PPP1R2: variants seen among roughly 807,000 people sequenced by gnomAD.
The protein encoded by PPP1R2 is protein phosphatase 1 regulatory inhibitor subunit 2.
A neutral mutation model predicts 29.9 loss-of-function variants in PPP1R2; 16 were observed. That is an observed-to-expected ratio of 0.53 (90% CI 0.36 to 0.81). The LOEUF is 0.81. Among genes scored for constraint, PPP1R2 ranks in the 30% least tolerant of loss-of-function variants. The probability of loss-of-function intolerance (pLI) is 0.00; values close to 1 mark genes in which losing one functional copy is unlikely to be tolerated. For missense variants in PPP1R2, 197 were observed against 252.7 expected (o/e 0.78, Z 1.49); for synonymous variants, 76 against 91.5 (o/e 0.83, Z 0.96).
chr3:195,543,310 G>A lies in PPP1R2; in HGVS notation c.-285C>T, dbSNP rs889904500. 1 of 268,238 alleles carries A rather than the reference G, an allele frequency of 3.7e-6. No homozygotes were observed. The allele number at this position is 268,238 out of a possible 1,614,324, so 16.6% of individuals were successfully genotyped here. A position where few individuals can be genotyped will look rare whatever the true frequency, so the allele number is the denominator to read the frequency against. ...CGGCCTAGAGCTCCAGCGCAGGAGC[G>A]ACGCGACGCCGAAGCCAAGCGGACC... On this transcript the variant is annotated 5_prime_UTR_variant, in exon 1 of 6. Transcript: ENST00000618156.
intron 3 of PPP1R2, 114 bp downstream of exon 3, chr3:195,524,705 T>C: frequency 2.1e-6 from 2 of 958,170 alleles, no homozygotes; most frequent in Non-Finnish European, 1.6e-6. Flanking sequence ...ATAAAACATG[T>C]TGATCAACAG....
rs142188800 is a variant in PPP1R2, at chr3:195,538,750, G to A, written c.122+4154C>T. On this transcript the variant is annotated intron_variant, in intron 1 of 5. Transcript: ENST00000618156. ...CTGTGTAAAAACCCCGCTGAGATAT[G>A]GAAAAAATGAATTTCTATATTTATT... Among the ~76,000 whole-genome samples, 1,381 of 151,870 alleles carry A rather than the reference G, an allele frequency of 9.1e-3. 20 individuals carry two copies. Among genetic ancestry groups the A allele is most frequent in the African/African-American group, 0.032 (1,311 of 41,450 alleles).
chr3:195,533,176 G>A (rs1387242051), intron 1 of PPP1R2, among the ~76,000 whole-genome samples: 3 of 151,928 alleles, frequency 2.0e-5, no homozygotes, highest in Non-Finnish European at 2.9e-5. Context: ...GTGAAACCCC[G>A]TCTCTACCAA....
chr3:195,541,498 T>C (rs1174363724), intron 1 of PPP1R2, among the ~76,000 whole-genome samples: 1 of 149,770 alleles, frequency 6.7e-6, no homozygotes, highest in Non-Finnish European at 1.5e-5. Context: ...GGTCTCATTA[T>C]GTTGCCCAGG....
In PPP1R2 at chr3:195,542,909, C is replaced by A; in HGVS notation, c.117G>T (p.Glu39Asp). 3.7e-6 allele frequency: 6 copies of A among 1,602,274 alleles called. No individual in the cohort carries two copies. The highest frequency in any genetic ancestry group is 5.1e-6 in the Non-Finnish European group (6 of 1,174,570). ...CCGTCCCTCCCAGCGCTCACCTCAGCTCCTCGTCGACATTCCCGCGGGGCT... is the reference window on the plus strand; with the variant it reads ...CCGTCCCTCCCAGCGCTCACCTCAGATCCTCGTCGACATTCCCGCGGGGCT... ...AEQPRGNVDE[E>D]LSKKSQKWDE... Residue 39 changes from glutamate (E) to aspartate (D), a missense_variant, in exon 1 of 6, where the codon GAG (glutamate) becomes GAT (aspartate). Around this residue, in one of 3 missense-constraint regions of PPP1R2, gnomAD observed 54 missense variants for 60.6 expected, o/e 0.89. Transcript: ENST00000618156.
Position 195,516,786 on chromosome 3 carries a change from CTG to C in PPP1R2, c.*108_*109del. 1 of 843,748 alleles carries C rather than the reference CTG, an allele frequency of 1.2e-6. No individual in the cohort carries two copies. The allele number at this position is 843,748 out of a possible 1,614,324, so 52.3% of individuals were successfully genotyped here. On this transcript the variant is annotated 3_prime_UTR_variant, in exon 6 of 6. Transcript: ENST00000618156. ...TTTAATTCTTGGCAATATATAATAA[CTG>C]GTATGCATTTTGGTACTTAAGTCAT...
chr3:195,537,481 T>TTTTGTGTGTGTCTGTGTGTGTGTG (rs150119072), intron 1 of PPP1R2, among the ~76,000 whole-genome samples: 1 of 128,574 alleles, frequency 7.8e-6, no homozygotes, highest in South Asian at 2.5e-4. Context: ...GGATTAGCTA[T>TTTTGTGTGTGTCTGTGTGTGTGTG]TGTGTGTGTG....
chr3:195,524,735 C>T, intron 3 of PPP1R2, 84 bp downstream of exon 3: 2 of 1,305,770 alleles, frequency 1.5e-6, no homozygotes, highest in Non-Finnish European at 2.2e-6. Context: ...CCCGCTCATA[C>T]AGGGACAGCC....
intron 5 of PPP1R2, 119 bp from the exon 6 acceptor site, chr3:195,517,061 A>G (rs899642410): frequency 2.6e-5 from 20 of 764,130 alleles, no homozygotes; most frequent in South Asian, 4.9e-5. Context: ...CAAATAAGGT[A>G]TATTTCATGT....
In PPP1R2 at chr3:195,516,954, A is replaced by G; in HGVS notation, c.572-12T>C. On this transcript the variant is annotated splice_polypyrimidine_tract_variant and intron_variant, in intron 5 of 5. Coordinates refer to ENST00000618156, the MANE Select transcript of PPP1R2 (RefSeq NM_006241.8). Reference sequence around the variant, plus strand: ...ACTTGGAGTAGATCCTGCAAAGATAAAAGAAAAAGTCAACATAATTTGTTA... The same window carrying G: ...ACTTGGAGTAGATCCTGCAAAGATAGAAGAAAAAGTCAACATAATTTGTTA... 6.2e-7 allele frequency: 1 copy of G among 1,609,570 alleles called. No individual in the cohort carries two copies. Among genetic ancestry groups the G allele is most frequent in the Non-Finnish European group, 8.5e-7 (1 of 1,176,142 alleles).
chr3:195,523,051 A>C (rs191200923), intron 4 of PPP1R2: 51 of 152,588 alleles, frequency 3.3e-4, no homozygotes, highest in African/African-American at 1.2e-3. Flanking sequence ...ATGCAACAAG[A>C]TAAGACATAC....
chr3:195,516,622 T>G lies in PPP1R2; in HGVS notation c.*274A>C. On this transcript the variant is annotated 3_prime_UTR_variant, in exon 6 of 6. Transcript: ENST00000618156. The stretch of plus-strand genomic sequence containing the variant: ...GCATAAAAAGCTCTATAATATCTTA[T>G]ACAAATTAACCAGTGTTTTTACAAA... 2.8e-6 allele frequency: 1 copy of G among 360,854 alleles called. No homozygotes were observed. 22.4% of individuals were successfully genotyped at this position (360,854 alleles called of 1,614,324 possible).
intron 4 of PPP1R2, chr3:195,519,613 A>G (rs1356627417): frequency 6.6e-6 from 1 of 152,640 alleles, no homozygotes; most frequent in Non-Finnish European, 1.5e-5. Context: ...GTCAAGGAAC[A>G]ATGAAGTAGT....
chr3:195,516,952 TAAAAGA>T lies in PPP1R2; in HGVS notation c.572-16_572-11del. On this transcript the variant is annotated splice_polypyrimidine_tract_variant and intron_variant, in intron 5 of 5. Transcript: ENST00000618156. ...TCACTTGGAGTAGATCCTGCAAAGA[TAAAAGA>T]AAAAGTCAACATAATTTGTTATATG... The T allele has an allele frequency of 1.2e-6, 2 of 1,610,246 alleles. No individual in the cohort carries two copies. The highest frequency in any genetic ancestry group is 1.7e-6 in the Non-Finnish European group (2 of 1,176,818).
At chr3:195,536,051 T>A (rs1719367679) in intron 1 of PPP1R2, among the ~76,000 whole-genome samples, 1 of 152,166 alleles carries the variant, frequency 6.6e-6, no homozygotes, top group South Asian at 2.1e-4. Context: ...TTTCTCTAGC[T>A]TACTGTATTA....
At chr3:195,538,167 G>A (rs1399968482) in intron 1 of PPP1R2, among the ~76,000 whole-genome samples, 1 of 152,112 alleles carries the variant, frequency 6.6e-6, no homozygotes, top group Non-Finnish European at 1.5e-5. Flanking sequence ...CACCCTCTTG[G>A]GTGACTGGTT....
intron 1 of PPP1R2, 128 bp from the exon 2 acceptor site, chr3:195,530,029 CT>C: frequency 3.0e-6 from 2 of 661,910 alleles, no homozygotes; most frequent in African/African-American, 3.7e-5. Flanking sequence ...TTCACATATA[CT>C]TTCTTGGAAT....
intron 1 of PPP1R2, among the ~76,000 whole-genome samples, chr3:195,536,567 T>A (rs538437194): frequency 6.6e-6 from 1 of 151,996 alleles, no homozygotes; most frequent in African/African-American, 2.4e-5. Flanking sequence ...GGTGGGCAGA[T>A]CACCTGAAGT....
chr3:195,518,974 T>G (rs17847363), intron 5 of PPP1R2, 44 bp downstream of exon 5: 15 of 1,604,636 alleles, frequency 9.3e-6, no homozygotes, highest in Non-Finnish European at 1.3e-5. Context: ...ATCTTAGGCA[T>G]AGACCATTAC....
Sources: allele counts gnomAD v4.1 joint callset (sites outside exome capture counted in the v4.1 genomes callset), GRCh38; gene constraint gnomAD v4.1.1; regional missense constraint gnomAD v4.1.1; transcripts MANE v1.5; gene names NCBI Gene and HGNC (gene_info 2026-07-23, HGNC 2026-07-21).